Variants in ADGRL1 observed in about 807,000 individuals in gnomAD.
ADGRL1 encodes adhesion G protein-coupled receptor L1.
ADGRL1 carries 31 observed loss-of-function variants against 148.9 expected under a neutral mutation model. The observed-to-expected ratio is 0.21, with a 90% CI of 0.16 to 0.28. The LOEUF (loss-of-function observed/expected upper bound fraction) is 0.28. ADGRL1 is among the 10% of genes least tolerant of loss of function. The probability of loss-of-function intolerance (pLI) is 1.00; values close to 1 mark genes in which losing one functional copy is unlikely to be tolerated. For synonymous variants in ADGRL1, 937 were observed against 900.3 expected, an observed-to-expected ratio of 1.04 and a Z score of -0.73; for missense variants, 1,521 against 2,058.8, an observed-to-expected ratio of 0.74 and a Z score of 5.05.
At chr19:14,154,668 G>A (rs536615137) in intron 18 of ADGRL1, among the ~76,000 whole-genome samples, 3 of 152,058 alleles carry the variant, frequency 2.0e-5, no homozygotes, top group Non-Finnish European at 2.9e-5. Flanking sequence ...GTGCAGTGGC[G>A]CAATCTTGGC....
At chr19:14,170,951 C>T (rs1257060622) in intron 3 of ADGRL1, 160 bp from the exon 4 acceptor site, 1 of 575,634 alleles carries the variant, frequency 1.7e-6, no homozygotes, top group Non-Finnish European at 3.1e-6. Flanking sequence ...TGTCCATACC[C>T]AAATCTCATG....
intron 1 of ADGRL1, among the ~76,000 whole-genome samples, chr19:14,195,903 C>T (rs1182437580): frequency 5.3e-5 from 8 of 152,268 alleles, no homozygotes; most frequent in Non-Finnish European, 8.8e-5. Context: ...CCCCATCCTC[C>T]AGCTCAGTGG....
intron 3 of ADGRL1, among the ~76,000 whole-genome samples, chr19:14,175,159 G>A (rs1970734298): frequency 6.6e-6 from 1 of 152,154 alleles, no homozygotes; most frequent in Non-Finnish European, 1.5e-5. Context: ...TAATTTGAAG[G>A]AAAGGCTGAT....
chr19:14,204,283 AAGG>A (rs1178797819), intron 1 of ADGRL1, among the ~76,000 whole-genome samples: 1 of 151,920 alleles, frequency 6.6e-6, no homozygotes, highest in Non-Finnish European at 1.5e-5. Flanking sequence ...AGCAGGGAGG[AAGG>A]AGAAGTCACC....
At position 14,160,604 on chromosome 19, in the gene ADGRL1, C is replaced by T; in HGVS notation, c.1603G>A (p.Val535Met). 1.9e-6 allele frequency: 3 copies of T among 1,607,740 alleles called. No homozygotes were observed. The highest frequency in any genetic ancestry group is 2.5e-6 in the Non-Finnish European group (3 of 1,177,162). The change falls in exon 7 of 23, where the codon GTG becomes ATG. Residue 535 changes from valine (V) to methionine (M), a missense_variant. Physicochemically the swap from Val to Met is conservative, Grantham distance 21. Around this residue, in one of 8 missense-constraint regions of ADGRL1, gnomAD observed 270 missense variants for 320.4 expected, o/e 0.84. Coordinates refer to ENST00000361434, the MANE Select transcript of ADGRL1 (RefSeq NM_014921.5). This position sits in a 1 kb window ranked among gnomAD's most constrained non-coding sequence, Gnocchi z 5.9. ...GTGGTGGCTGGTACCTTCTGGGCCA[C>T]CTGGTTGACCCAGGGGGAGGTGCAG... ...SNCTSPWVNQ[V>M]AQKIKSGENA...
intron 3 of ADGRL1, among the ~76,000 whole-genome samples, chr19:14,176,129 T>C (rs567223318): frequency 2.6e-5 from 4 of 151,728 alleles, no homozygotes; most frequent in Middle Eastern, 3.4e-3. Context: ...AGTGGGCGGA[T>C]CATGAGGTCA....
chr19:14,155,644 G>T lies in ADGRL1; in HGVS notation c.3126-117C>A. 2.8e-6 allele frequency: 3 copies of T among 1,067,440 alleles called. No individual in the cohort carries two copies. The highest frequency in any genetic ancestry group is 4.0e-6 in the Non-Finnish European group (3 of 747,018). 66.1% of individuals were successfully genotyped at this position (1,067,440 alleles called of 1,614,324 possible). A position where few individuals can be genotyped will look rare whatever the true frequency, so the allele number is the denominator to read the frequency against. On this transcript the variant is annotated intron_variant, in intron 17 of 22. Coordinates refer to ENST00000361434, the MANE Select transcript of ADGRL1 (RefSeq NM_014921.5). This position sits in a 1 kb window ranked among gnomAD's most constrained non-coding sequence, Gnocchi z 5.0. ...GGTGGGCCTGGGCACTGTCTGCAAA[G>T]CCCTGAGCGGGCCGAGTGGGCCTTG...
Position 14,160,246 on chromosome 19 carries a change from T to A in ADGRL1, c.1666A>T (p.Thr556Ser). Reference protein sequence around the residue: ...ANIASELARHTRGSIYAGDVS... With the variant: ...ANIASELARHSRGSIYAGDVS... ...TCCCCCGCGTAGATGGAGCCCCGGG[T>A]GTGTCGGGCCAGCTCGCTGGCGATG... Residue 556 changes from threonine to serine, a missense_variant, in exon 8 of 23, where the codon ACC becomes TCC. By Grantham distance (58) the Thr-to-Ser change is moderately conservative. This residue lies in a region of ADGRL1 where 270 missense variants were observed against 320.4 expected (regional missense o/e 0.84). Coordinates refer to ENST00000361434, the MANE Select transcript of ADGRL1 (RefSeq NM_014921.5). This position sits in a 1 kb window ranked among gnomAD's most constrained non-coding sequence, Gnocchi z 5.9. The A allele has an allele frequency of 6.3e-7, 1 of 1,596,796 alleles. No homozygotes were observed. The highest frequency in any genetic ancestry group is 1.1e-5 in the South Asian group (1 of 90,726).
In ADGRL1 at chr19:14,163,087, C is replaced by A; in HGVS notation, c.714G>T (p.Lys238Asn). The A allele has an allele frequency of 6.2e-7, 1 of 1,614,148 alleles. No individual in the cohort carries two copies. The highest frequency in any genetic ancestry group is 8.5e-7 in the Non-Finnish European group (1 of 1,180,040). ...CGGTATTGATGACCGTCTCCCCGCT[C>A]TTGATGCGCGTCCGTAGGTCATACT... ...IVKYDLRTRIKSGETVINTAN... is the reference protein window; with the variant it reads ...IVKYDLRTRINSGETVINTAN... Residue 238 changes from lysine (K) to asparagine (N), a missense_variant, in exon 5 of 23, where the codon AAG becomes AAT. By Grantham distance (94) the Lys-to-Asn change is moderately conservative. This residue lies in a region of ADGRL1 where 334 missense variants were observed against 512.5 expected (regional missense o/e 0.65). Coordinates refer to ENST00000361434, the MANE Select transcript of ADGRL1 (RefSeq NM_014921.5).
In ADGRL1 at chr19:14,151,287, A is replaced by G. The variant is rs1211822179; in HGVS notation, c.3996T>C (p.Tyr1332=). ...GADRAEIELL[Y]KALEEPLLLP... ...GCAGCAGAGGCTCCTCCAGGGCCTT[A>G]TAGAGAAGTTCAATCTCGGCCCGGT... Residue 1332 remains tyrosine, a synonymous_variant, in exon 23 of 23, where the codon TAT becomes TAC. Transcript: ENST00000361434. 6.2e-7 allele frequency: 1 copy of G among 1,611,486 alleles called. No individual in the cohort carries two copies. Among genetic ancestry groups the G allele is most frequent in the African/African-American group, 1.3e-5 (1 of 74,980 alleles).
At chr19:14,166,988 G>T in intron 4 of ADGRL1, 1 of 1,610,484 alleles carries the variant, frequency 6.2e-7, no homozygotes, top group Non-Finnish European at 8.5e-7. Flanking sequence ...TGTGAGTTAG[G>T]GGTTAGCATT....
intron 1 of ADGRL1, among the ~76,000 whole-genome samples, chr19:14,184,634 ATTTATTTATTTATTTT>A (rs1424416337): frequency 1.5e-4 from 18 of 119,072 alleles, no homozygotes; most frequent in African/African-American, 7.0e-4. Context: ...TTATTTATTT[ATTTATTTATTTATTTT>A]TTTTTCTGAG....
At chr19:14,189,627 A>G (rs1299232181) in intron 1 of ADGRL1, among the ~76,000 whole-genome samples, 2 of 152,162 alleles carry the variant, frequency 1.3e-5, no homozygotes, top group Admixed American at 6.5e-5. Context: ...ATGGCTGCGT[A>G]GTATTCCACT....
intron 3 of ADGRL1, among the ~76,000 whole-genome samples, chr19:14,172,643 G>A (rs1024427046): frequency 1.3e-5 from 2 of 152,096 alleles, no homozygotes. Flanking sequence ...GGGAGGCTGA[G>A]GCCCAAGAAT....
chr19:14,174,966 T>C (rs1970720259), intron 3 of ADGRL1, among the ~76,000 whole-genome samples: 1 of 151,618 alleles, frequency 6.6e-6, no homozygotes, highest in Non-Finnish European at 1.5e-5. Flanking sequence ...ATCGGTCATC[T>C]GAGTAGCTGG....
intron 2 of ADGRL1, among the ~76,000 whole-genome samples, chr19:14,178,452 C>A (rs1016629381): frequency 6.6e-6 from 1 of 151,984 alleles, no homozygotes; most frequent in Non-Finnish European, 1.5e-5. Context: ...CTCCAGTAAG[C>A]CATGATTGTG....
chr19:14,153,330 C>T, intron 18 of ADGRL1, among the ~76,000 whole-genome samples: 1 of 151,528 alleles, frequency 6.6e-6, no homozygotes, highest in Non-Finnish European at 1.5e-5. Context: ...AATATGCAAG[C>T]TGTTGGATGC....
intron 18 of ADGRL1, among the ~76,000 whole-genome samples, chr19:14,153,500 C>T (rs1968423766): frequency 6.7e-6 from 1 of 150,132 alleles, no homozygotes; most frequent in Non-Finnish European, 1.5e-5. Context: ...ACTGCAACCT[C>T]CACCTCCCTG....
chr19:14,180,046 A>C (rs187580392), intron 2 of ADGRL1, among the ~76,000 whole-genome samples: 50 of 152,310 alleles, frequency 3.3e-4, no homozygotes, highest in South Asian at 8.3e-4. Context: ...TAGGTGGTCT[A>C]TCAGGGCTAC....
Sources: gnomAD v4.1 joint callset for allele counts (sites outside exome capture counted in the v4.1 genomes callset) on GRCh38, gnomAD v4.1.1 for gene constraint, gnomAD v4.1.1 regional missense constraint, Gnocchi (gnomAD v3.1) non-coding constraint, MANE v1.5 for transcripts, NCBI Gene and HGNC (gene_info 2026-07-23, HGNC 2026-07-21) for gene names.